The following NFIB variants were observed in gnomAD, a reference collection of about 807,000 sequenced individuals.
NFIB encodes nuclear factor I B, also known as nuclear factor 1 B-type.
In NFIB, 11 loss-of-function variants were observed where a neutral mutation model predicts 61.5. That is an observed-to-expected ratio of 0.18 (90% CI 0.11 to 0.30). The LOEUF is 0.30. Ranked by LOEUF, NFIB falls within the 10% of genes least tolerant of loss-of-function variation. The pLI, the probability that NFIB is intolerant of heterozygous loss-of-function variation, is 1.00. For missense variants in NFIB, 471 were observed against 608.9 expected (o/e 0.77, Z 2.38); for synonymous variants, 260 against 216.5 (o/e 1.20, Z -1.76).
At chr9:14,404,905 C>T in the NFIB span, among the ~76,000 whole-genome samples, 54 of 152,314 alleles carry the variant, frequency 3.5e-4, no homozygotes, top group East Asian at 8.9e-3. Flanking sequence ...GTTGTCCTCA[C>T]TCATCTGTTG....
the NFIB span, among the ~76,000 whole-genome samples, chr9:14,502,765 A>T: frequency 6.6e-6 from 1 of 152,090 alleles, no homozygotes; most frequent in Non-Finnish European, 1.5e-5. Context: ...TTTTCGGGAA[A>T]CAGGTGGTGC....
At chr9:14,447,438 T>C in the NFIB span, among the ~76,000 whole-genome samples, 1 of 152,160 alleles carries the variant, frequency 6.6e-6, no homozygotes, top group East Asian at 1.9e-4. Context: ...ATTCACCCGG[T>C]GGTACAATTA....
chr9:14,286,314 C>T (rs2058706290), intron 2 of NFIB, among the ~76,000 whole-genome samples: 1 of 152,144 alleles, frequency 6.6e-6, no homozygotes, highest in African/African-American at 2.4e-5. Flanking sequence ...GCAATTGCTC[C>T]AGTTAGGAGC....
At chr9:14,153,734 C>A (rs1441407989) in intron 4 of NFIB, among the ~76,000 whole-genome samples, 6 of 152,194 alleles carry the variant, frequency 3.9e-5, no homozygotes, top group South Asian at 2.1e-4. Flanking sequence ...ATACTGTAAA[C>A]CCTCAAGAAG....
chr9:14,170,551 G>A (rs1216516138), intron 3 of NFIB, among the ~76,000 whole-genome samples: 4 of 152,128 alleles, frequency 2.6e-5, no homozygotes, highest in Admixed American at 2.6e-4. Flanking sequence ...CTTGAGGTGG[G>A]AAGATTGTTT....
intron 6 of NFIB, among the ~76,000 whole-genome samples, chr9:14,140,044 T>A (rs981864489): frequency 6.6e-6 from 1 of 152,180 alleles, no homozygotes; most frequent in African/African-American, 2.4e-5. Flanking sequence ...TTCTTCACAT[T>A]CATCCACCAA....
At chr9:14,259,226 T>C (rs1243461197) in intron 2 of NFIB, among the ~76,000 whole-genome samples, 1 of 152,120 alleles carries the variant, frequency 6.6e-6, no homozygotes, top group Non-Finnish European at 1.5e-5. Flanking sequence ...AAGAAGTCAA[T>C]TGCTTGTGGT....
intron 2 of NFIB, among the ~76,000 whole-genome samples, chr9:14,283,569 C>T (rs1164589626): frequency 6.6e-6 from 1 of 152,226 alleles, no homozygotes; most frequent in African/African-American, 2.4e-5. Context: ...TCTTTCAGGG[C>T]AAGAGCAGTC....
chr9:14,331,326 G>C (rs550397621), intron 1 of NFIB, among the ~76,000 whole-genome samples: 16 of 152,276 alleles, frequency 1.1e-4, no homozygotes, highest in African/African-American at 3.6e-4. Context: ...TATGCAGCAA[G>C]GACATGAAAC....
At chr9:14,153,735 C>G (rs1046604156) in intron 4 of NFIB, among the ~76,000 whole-genome samples, 1 of 152,036 alleles carries the variant, frequency 6.6e-6, no homozygotes, top group Non-Finnish European at 1.5e-5. Flanking sequence ...TACTGTAAAC[C>G]CTCAAGAAGT....
At chr9:14,409,908 A>C in the NFIB span, among the ~76,000 whole-genome samples, 2 of 152,222 alleles carry the variant, frequency 1.3e-5, no homozygotes, top group African/African-American at 4.8e-5. Context: ...TTGATGTTAA[A>C]ACCTGTTGCT....
intron 1 of NFIB, among the ~76,000 whole-genome samples, chr9:14,378,226 A>C (rs2132991642): frequency 6.6e-6 from 1 of 152,368 alleles, no homozygotes; most frequent in Non-Finnish European, 1.5e-5. Context: ...AAAGGAATGC[A>C]CGTGAGAGAT....
At chr9:14,226,124 T>C (rs2052380636) in intron 2 of NFIB, among the ~76,000 whole-genome samples, 1 of 152,096 alleles carries the variant, frequency 6.6e-6, no homozygotes, top group African/African-American at 2.4e-5. Flanking sequence ...ATGATGACAA[T>C]TTGGCTTTGT....
At chr9:14,221,495 C>CAA (rs1326201096) in intron 2 of NFIB, among the ~76,000 whole-genome samples, 1 of 152,176 alleles carries the variant, frequency 6.6e-6, no homozygotes, top group East Asian at 1.9e-4. Context: ...GCTCATGAGA[C>CAA]AAAGTATGTT....
At chr9:14,290,970 C>T (rs571484935) in intron 2 of NFIB, among the ~76,000 whole-genome samples, 1 of 152,128 alleles carries the variant, frequency 6.6e-6, no homozygotes, top group East Asian at 1.9e-4. Flanking sequence ...CCTATTTTTC[C>T]ATCAACAATT....
intron 10 of NFIB, among the ~76,000 whole-genome samples, chr9:14,097,043 G>A (rs2034903136): frequency 6.6e-6 from 1 of 152,166 alleles, no homozygotes; most frequent in African/African-American, 2.4e-5. Context: ...TCAAAAGCCA[G>A]ACCACAGATG....
At chr9:14,379,977 C>T (rs937577680) in intron 1 of NFIB, among the ~76,000 whole-genome samples, 1 of 148,386 alleles carries the variant, frequency 6.7e-6, no homozygotes, top group African/African-American at 2.5e-5. Context: ...GCCACCGCAC[C>T]CAGTCAGATT....
At chr9:14,312,394 T>C (rs1012119752) in intron 1 of NFIB, among the ~76,000 whole-genome samples, 1 of 152,218 alleles carries the variant, frequency 6.6e-6, no homozygotes, top group African/African-American at 2.4e-5. Flanking sequence ...CATGGCAATG[T>C]CAAAGAAAAT....
In NFIB at chr9:14,106,383, A is replaced by T. The variant is rs901236880; in HGVS notation, c.1467+6616T>A. 3.0e-4 allele frequency among the ~76,000 whole-genome samples: 45 copies of T among 152,156 alleles called. 2 individuals carry two copies. On this transcript the variant is annotated intron_variant, in intron 10 of 10. Coordinates refer to ENST00000380953, the MANE Select transcript of NFIB (RefSeq NM_001190737.2). ...AATGCCCAGAATTTCAAAACCAAAT[A>T]AAAGGTGAACTAAGAAAGTAAGATT...
Sources: gnomAD v4.1 joint callset for allele counts (sites outside exome capture counted in the v4.1 genomes callset) on GRCh38, gnomAD v4.1.1 for gene constraint, MANE v1.5 for transcripts, NCBI Gene and HGNC (gene_info 2026-07-23, HGNC 2026-07-21) for gene names.